Variants in MATN2 observed in about 807,000 individuals in gnomAD.
The protein encoded by MATN2 is matrilin-2.
In MATN2, 69 loss-of-function variants were observed where a neutral mutation model predicts 103.2. The observed-to-expected ratio is 0.67, with a 90% confidence interval of 0.55 to 0.82. The LOEUF is 0.82. Among genes scored for constraint, MATN2 ranks in the 40% least tolerant of loss-of-function variants. MATN2 has a pLI of 0.00. For missense variants in MATN2, 1,023 were observed against 1,211.5 expected (o/e 0.84, Z 2.31); for synonymous variants, 429 against 450.2 (o/e 0.95, Z 0.60).
At chr8:98,003,252 C>T (rs1812846200) in intron 7 of MATN2, among the ~76,000 whole-genome samples, 1 of 152,158 alleles carries the variant, frequency 6.6e-6, no homozygotes, top group African/African-American at 2.4e-5. Context: ...TCCTCGAGTC[C>T]TCATGTTCTT....
chr8:98,027,360 C>T, intron 13 of MATN2, 56 bp from the exon 14 acceptor site: 2 of 1,446,114 alleles, frequency 1.4e-6, no homozygotes, highest in Non-Finnish European at 1.9e-6. Context: ...TTATTCTACT[C>T]TTGTGCATAA....
At chr8:97,993,352 T>A (rs1423108015) in intron 6 of MATN2, among the ~76,000 whole-genome samples, 1 of 152,214 alleles carries the variant, frequency 6.6e-6, no homozygotes. Context: ...CAAAGACTCC[T>A]TTTAAGATTC....
At chr8:97,878,323 G>A (rs1818144789) in intron 1 of MATN2, among the ~76,000 whole-genome samples, 1 of 152,144 alleles carries the variant, frequency 6.6e-6, no homozygotes, top group African/African-American at 2.4e-5. Flanking sequence ...CCAGCACTTG[G>A]GAGGCCAAGG....
intron 4 of MATN2, among the ~76,000 whole-genome samples, chr8:97,947,582 A>C (rs1319570867): frequency 6.6e-6 from 1 of 152,232 alleles, no homozygotes; most frequent in Admixed American, 6.5e-5. Context: ...ACATTGAAAA[A>C]TATAAAAGAT....
chr8:97,935,724 G>T (rs570827303), intron 3 of MATN2, among the ~76,000 whole-genome samples: 12 of 152,342 alleles, frequency 7.9e-5, no homozygotes, highest in Non-Finnish European at 1.3e-4. Context: ...CTGGGCTCAA[G>T]CAGCTCTCCT....
intron 6 of MATN2, among the ~76,000 whole-genome samples, chr8:97,993,549 G>A (rs982994156): frequency 1.3e-5 from 2 of 151,970 alleles, no homozygotes; most frequent in Non-Finnish European, 2.9e-5. Flanking sequence ...ATTTCATTAT[G>A]AAAAATTTCA....
rs1813973605 is a variant in MATN2 at position 98,030,479 on chromosome 8, G to A, written c.2374G>A (p.Val792Ile). 6.2e-7 allele frequency: 1 copy of A among 1,613,600 alleles called. No homozygotes were observed. Among genetic ancestry groups the A allele is most frequent in the Non-Finnish European group, 8.5e-7 (1 of 1,179,730 alleles). Residue 792 changes from valine (V) to isoleucine (I), a missense_variant, in exon 15 of 19, where the codon GTT becomes ATT. Physicochemically the swap from Val to Ile is conservative, Grantham distance 29. Coordinates refer to ENST00000254898, the MANE Select transcript of MATN2 (RefSeq NM_002380.5). ...CACCCTAGGTATCACTATGTATGCTGTTGGGGTAGGAAAAGCCATTGAGGA... is the reference window on the plus strand; with the variant it reads ...CACCCTAGGTATCACTATGTATGCTATTGGGGTAGGAAAAGCCATTGAGGA... ...AKANGITMYA[V>I]GVGKAIEEEL... is the part of the protein sequence containing the mutation.
At chr8:97,997,530 C>T (rs948528354) in intron 7 of MATN2, among the ~76,000 whole-genome samples, 4 of 152,168 alleles carry the variant, frequency 2.6e-5, no homozygotes, top group Non-Finnish European at 4.4e-5. Context: ...TCAGAAAGAT[C>T]GTTTGATTTG....
chr8:97,995,434 G>A (rs536784327), intron 7 of MATN2, among the ~76,000 whole-genome samples: 14 of 151,944 alleles, frequency 9.2e-5, no homozygotes, highest in African/African-American at 2.9e-4. Context: ...TTTTTTAGGC[G>A]TGCAAGTTGT....
At position 98,003,799 on chromosome 8, in the gene MATN2, G is replaced by A; in HGVS notation, c.1327+16G>A. 1 of 1,613,484 alleles carries A rather than the reference G, an allele frequency of 6.2e-7. No homozygotes were observed. Among genetic ancestry groups the A allele is most frequent in the Non-Finnish European group, 8.5e-7 (1 of 1,179,622 alleles). On this transcript the variant is annotated intron_variant, in intron 8 of 18. Transcript: ENST00000254898. The stretch of plus-strand genomic sequence containing the variant: ...ACCTGCAGCCGTGAGTGTACCCTAG[G>A]GGTGGGGTGCTGATGGAAGGTGGGG...
At chr8:97,965,125 C>A (rs1811439806) in intron 5 of MATN2, among the ~76,000 whole-genome samples, 1 of 152,204 alleles carries the variant, frequency 6.6e-6, no homozygotes, top group Non-Finnish European at 1.5e-5. Context: ...ATTACATAAT[C>A]ACCCTAGTTA....
chr8:97,906,492 A>T (rs1819175634), intron 2 of MATN2, among the ~76,000 whole-genome samples: 1 of 152,180 alleles, frequency 6.6e-6, no homozygotes, highest in African/African-American at 2.4e-5. Flanking sequence ...CATGTACATG[A>T]TCCACCCCAG....
chr8:97,930,471 A>G (rs1810141071), intron 2 of MATN2: 1 of 154,096 alleles, frequency 6.5e-6, no homozygotes, highest in African/African-American at 2.4e-5. Context: ...GCCAGTAGTC[A>G]TGATCTTCCA....
At chr8:97,872,674 G>A (rs1030765603) in intron 1 of MATN2, among the ~76,000 whole-genome samples, 1 of 152,068 alleles carries the variant, frequency 6.6e-6, no homozygotes, top group Admixed American at 6.6e-5. Flanking sequence ...GCCAGTAACA[G>A]CATCTTCCAA....
At chr8:98,032,191 C>G in intron 15 of MATN2, 55 bp from the exon 16 acceptor site, 3 of 1,431,004 alleles carry the variant, frequency 2.1e-6, no homozygotes, top group South Asian at 1.2e-5. Flanking sequence ...TCCTGAAGAA[C>G]ACACACATGC....
At chr8:97,927,564 C>T (rs1246478505) in intron 2 of MATN2, among the ~76,000 whole-genome samples, 1 of 152,208 alleles carries the variant, frequency 6.6e-6, no homozygotes, top group Non-Finnish European at 1.5e-5. Flanking sequence ...GACTGTGGTT[C>T]TGAGCCCTCA....
At chr8:97,985,516 C>T (rs191535848) in intron 6 of MATN2, among the ~76,000 whole-genome samples, 3 of 152,324 alleles carry the variant, frequency 2.0e-5, no homozygotes, top group Non-Finnish European at 4.4e-5. Context: ...TCACAGGACA[C>T]TTCCCACATT....
intron 2 of MATN2, among the ~76,000 whole-genome samples, chr8:97,914,536 AC>A (rs1240932367): frequency 1.3e-5 from 2 of 149,022 alleles, no homozygotes; most frequent in Non-Finnish European, 3.0e-5. Context: ...ACACCCGGCT[AC>A]TTTTTTTTTT....
chr8:98,021,860 A>G (rs1158903831), intron 13 of MATN2, among the ~76,000 whole-genome samples: 2 of 152,200 alleles, frequency 1.3e-5, no homozygotes, highest in Non-Finnish European at 2.9e-5. Context: ...TAGTTAACCT[A>G]TTAGTTACCA....
Sources: gnomAD v4.1 joint callset for allele counts (sites outside exome capture counted in the v4.1 genomes callset) on GRCh38, gnomAD v4.1.1 for gene constraint, MANE v1.5 for transcripts, NCBI Gene and HGNC (gene_info 2026-07-23, HGNC 2026-07-21) for gene names.